The following MTUS2 variants were observed in gnomAD, a reference collection of about 807,000 sequenced individuals.
MTUS2 encodes microtubule-associated tumor suppressor candidate 2.
In MTUS2, 40 loss-of-function variants were observed where a neutral mutation model predicts 114.1. The ratio of observed to expected loss-of-function variants is 0.35; its 90% CI spans 0.27 to 0.46. MTUS2 has a LOEUF of 0.46. Among genes scored for constraint, MTUS2 ranks in the 20% least tolerant of loss-of-function variants. The probability of loss-of-function intolerance (pLI) is 1.00; values close to 1 mark genes in which losing one functional copy is unlikely to be tolerated. For missense variants in MTUS2, 1,679 were observed against 1,705.4 expected, an observed-to-expected ratio of 0.98 and a Z score of 0.27; for synonymous variants, 688 against 672.0, an observed-to-expected ratio of 1.02 and a Z score of -0.37.
Position 29,281,843 on chromosome 13 carries a change from A to G in MTUS2, c.2784A>G (p.Pro928=), listed in dbSNP as rs1343335965. 1 of 1,602,400 alleles carries G rather than the reference A, an allele frequency of 6.2e-7. No homozygotes were observed. The highest frequency in any genetic ancestry group is 1.3e-5 in the African/African-American group (1 of 74,636). ...TAPRRSLLPA[P]KSTSTPAGTK... The stretch of plus-strand genomic sequence containing the variant: ...CCCGCAGGAGTTTACTTCCAGCGCC[A>G]AAATCCACTTCCACACCCGCTGGTA... Residue 928 remains proline (P), a synonymous_variant, in exon 6 of 16, where the codon CCA becomes CCG. Coordinates refer to ENST00000612955, the MANE Select transcript of MTUS2 (RefSeq NM_001033602.4).
In MTUS2 at chr13:29,290,821, T is replaced by C. The variant is rs148365147; in HGVS notation, c.2806+8956T>C. On this transcript the variant is annotated intron_variant, in intron 6 of 15. Transcript: ENST00000612955. ...AATTGGCTGAAGTCTCTCTGCCCCA[T>C]ATGTGCAGTCGTGGCTGTTGTACTC... is the stretch of plus-strand genomic sequence containing the variant. Among the ~76,000 whole-genome samples, 398 of 152,278 alleles carry C rather than the reference T, an allele frequency of 2.6e-3. 3 individuals are homozygous for C. The highest frequency in any genetic ancestry group is 4.3e-3 in the Non-Finnish European group (293 of 68,018).
At chr13:29,435,555 A>G (rs1407782945) in intron 8 of MTUS2, among the ~76,000 whole-genome samples, 1 of 152,202 alleles carries the variant, frequency 6.6e-6, no homozygotes, top group African/African-American at 2.4e-5. Context: ...GCAAGATCAC[A>G]CTGGATTCTG....
At chr13:29,199,401 G>T (rs577808662) in intron 5 of MTUS2, among the ~76,000 whole-genome samples, 31 of 152,260 alleles carry the variant, frequency 2.0e-4, no homozygotes, top group African/African-American at 5.8e-4. Context: ...TAGCATGAAG[G>T]GCTGTTGAAT....
chr13:28,835,230 G>C (rs1346941674), intron 1 of MTUS2, among the ~76,000 whole-genome samples: 1 of 152,114 alleles, frequency 6.6e-6, no homozygotes, highest in Non-Finnish European at 1.5e-5. Flanking sequence ...GTGTACATAG[G>C]AGCCTCAAAC....
intron 4 of MTUS2, among the ~76,000 whole-genome samples, chr13:29,081,013 A>G (rs1168357128): frequency 1.3e-5 from 2 of 152,122 alleles, no homozygotes; most frequent in East Asian, 3.9e-4. Context: ...GCATGAGCCA[A>G]CGCGCCTGGC....
At chr13:29,397,157 G>A (rs927624290) in intron 8 of MTUS2, among the ~76,000 whole-genome samples, 1 of 152,102 alleles carries the variant, frequency 6.6e-6, no homozygotes, top group Non-Finnish European at 1.5e-5. Context: ...TCCAATCCTT[G>A]ACCTTCTTAA....
At chr13:29,153,309 A>C (rs1158313427) in intron 5 of MTUS2, among the ~76,000 whole-genome samples, 1 of 152,202 alleles carries the variant, frequency 6.6e-6, no homozygotes, top group Non-Finnish European at 1.5e-5. Flanking sequence ...TCCTGGTGAC[A>C]GACATAACAG....
chr13:29,159,096 G>A (rs992983681), intron 5 of MTUS2, among the ~76,000 whole-genome samples: 13 of 152,172 alleles, frequency 8.5e-5, no homozygotes, highest in African/African-American at 3.1e-4. Flanking sequence ...GTTCGTGATT[G>A]ATACTGAAAA....
At chr13:28,878,219 A>G (rs565168006) in intron 2 of MTUS2, among the ~76,000 whole-genome samples, 15 of 147,554 alleles carry the variant, frequency 1.0e-4, no homozygotes, top group South Asian at 8.4e-4. Context: ...ATATATATAT[A>G]TGTGTGTGTG....
chr13:29,424,113 C>T (rs1876326931), intron 8 of MTUS2, among the ~76,000 whole-genome samples: 1 of 151,878 alleles, frequency 6.6e-6, no homozygotes, highest in African/African-American at 2.4e-5. Context: ...AGTGATCTGC[C>T]CACCTCGGCC....
intron 5 of MTUS2, among the ~76,000 whole-genome samples, chr13:29,225,689 T>C (rs1896081351): frequency 6.6e-6 from 1 of 152,230 alleles, no homozygotes; most frequent in African/African-American, 2.4e-5. Flanking sequence ...TTTACCAGTT[T>C]AGGTAAGGTG....
intron 4 of MTUS2, among the ~76,000 whole-genome samples, chr13:29,065,206 G>T (rs1888609347): frequency 6.6e-6 from 1 of 152,186 alleles, no homozygotes; most frequent in Admixed American, 6.5e-5. Flanking sequence ...TTGCCACACT[G>T]CTTTCCACAG....
At chr13:29,132,097 C>G (rs1199486959) in intron 5 of MTUS2, among the ~76,000 whole-genome samples, 1 of 152,224 alleles carries the variant, frequency 6.6e-6, no homozygotes, top group Non-Finnish European at 1.5e-5. Flanking sequence ...CCCCAGAACT[C>G]TGGAATGAGT....
At chr13:29,438,345 T>A (rs1877569671) in intron 8 of MTUS2, among the ~76,000 whole-genome samples, 1 of 152,174 alleles carries the variant, frequency 6.6e-6, no homozygotes, top group Admixed American at 6.5e-5. Flanking sequence ...TCTGTCTTAG[T>A]GTCTTTGGGA....
Position 28,920,466 on chromosome 13 carries a change from C to T in MTUS2, c.-243+80616C>T, listed in dbSNP as rs139524182. On this transcript the variant is annotated intron_variant, in intron 2 of 15. Coordinates refer to ENST00000612955, the MANE Select transcript of MTUS2 (RefSeq NM_001033602.4). Reference sequence around the variant, plus strand: ...ACTAGGGGTGAGGGGACACTGTGCCCCTTGGCTACCACCACTGGAATTGTG... The same window carrying T: ...ACTAGGGGTGAGGGGACACTGTGCCTCTTGGCTACCACCACTGGAATTGTG... 1.7e-3 allele frequency among the ~76,000 whole-genome samples: 259 copies of T among 152,282 alleles called. 1 individual carries two copies. The highest frequency in any genetic ancestry group is 5.8e-3 in the African/African-American group (243 of 41,550).
At chr13:28,878,380 T>A (rs1217704314) in intron 2 of MTUS2, among the ~76,000 whole-genome samples, 1 of 152,162 alleles carries the variant, frequency 6.6e-6, no homozygotes, top group Non-Finnish European at 1.5e-5. Context: ...TGTGCAGGTT[T>A]GTTGCATATG....
chr13:29,190,650 CTGAA>C (rs370526500), intron 5 of MTUS2, among the ~76,000 whole-genome samples: 17 of 150,926 alleles, frequency 1.1e-4, no homozygotes, highest in African/African-American at 3.9e-4. Context: ...GGTGCACTGA[CTGAA>C]CTGTGTAGAG....
At chr13:29,339,347 C>T (rs1901259980) in intron 7 of MTUS2, among the ~76,000 whole-genome samples, 1 of 152,166 alleles carries the variant, frequency 6.6e-6, no homozygotes, top group African/African-American at 2.4e-5. Flanking sequence ...TCCATGTCTC[C>T]TGATGGGCTT....
At chr13:28,993,601 G>A (rs1342507832) in intron 2 of MTUS2, among the ~76,000 whole-genome samples, 1 of 152,116 alleles carries the variant, frequency 6.6e-6, no homozygotes, top group Non-Finnish European at 1.5e-5. Flanking sequence ...GAGAAAGGTA[G>A]GGGTCCAGTT....
Sources: gnomAD v4.1 joint callset for allele counts (sites outside exome capture counted in the v4.1 genomes callset) on GRCh38, gnomAD v4.1.1 for gene constraint, MANE v1.5 for transcripts, NCBI Gene and HGNC (gene_info 2026-07-23, HGNC 2026-07-21) for gene names.